SYN3: variants seen among roughly 807,000 people sequenced by gnomAD.
SYN3 encodes the protein synapsin III.
A neutral mutation model predicts 65.8 loss-of-function variants in SYN3; 35 were observed. That is an observed-to-expected ratio of 0.53 (90% CI 0.41 to 0.70). SYN3 has a LOEUF of 0.70. Among genes scored for constraint, SYN3 ranks in the 30% least tolerant of loss-of-function variants. The pLI is 0.00. For missense variants in SYN3, 680 were observed against 749.0 expected (o/e 0.91, Z 1.08); for synonymous variants, 270 against 292.9 (o/e 0.92, Z 0.80).
intron 1 of SYN3, among the ~76,000 whole-genome samples, chr22:33,051,622 C>T (rs1157316728): frequency 3.3e-5 from 5 of 152,158 alleles, no homozygotes; most frequent in Non-Finnish European, 7.3e-5. Context: ...CTCTCCTCAC[C>T]CCTAAGAGCC....
chr22:32,531,180 A>C (rs900969440), intron 10 of SYN3, among the ~76,000 whole-genome samples: 2 of 137,050 alleles, frequency 1.5e-5, no homozygotes, highest in Admixed American at 1.6e-4. Flanking sequence ...AAAAAAAAAG[A>C]ATGTGAGTAC....
At chr22:32,881,843 G>C (rs1247724103) in intron 4 of SYN3, among the ~76,000 whole-genome samples, 1 of 152,132 alleles carries the variant, frequency 6.6e-6, no homozygotes, top group Non-Finnish European at 1.5e-5. Flanking sequence ...ATCACCTGAG[G>C]TCAGGAGTTC....
At chr22:32,961,091 ACT>A (rs1484421480) in intron 3 of SYN3, among the ~76,000 whole-genome samples, 2 of 151,890 alleles carry the variant, frequency 1.3e-5, no homozygotes, top group East Asian at 3.9e-4. Context: ...GAGCTATGTA[ACT>A]CTTTGTTGCG....
intron 6 of SYN3, among the ~76,000 whole-genome samples, chr22:32,755,761 C>T (rs1569198806): frequency 6.6e-6 from 1 of 152,168 alleles, no homozygotes; most frequent in East Asian, 1.9e-4. Context: ...CACCAATGCC[C>T]TTCTATGACA....
At chr22:32,945,627 A>G (rs1310860206) in intron 3 of SYN3, among the ~76,000 whole-genome samples, 3 of 152,200 alleles carry the variant, frequency 2.0e-5, no homozygotes, top group African/African-American at 4.8e-5. Flanking sequence ...GGACATAGGC[A>G]TGGGCAAGGA....
intron 6 of SYN3, among the ~76,000 whole-genome samples, chr22:32,818,752 A>C (rs192178734): frequency 6.6e-6 from 1 of 152,154 alleles, no homozygotes; most frequent in African/African-American, 2.4e-5. Flanking sequence ...GGAAAGTCTC[A>C]GGATAAAACT....
At chr22:32,819,410 G>A (rs532301450) in intron 6 of SYN3, among the ~76,000 whole-genome samples, 1 of 152,362 alleles carries the variant, frequency 6.6e-6, no homozygotes, top group South Asian at 2.1e-4. Flanking sequence ...GTAGAAGGGT[G>A]TATCTCATTT....
chr22:32,686,589 C>CTT (rs2060591791), intron 6 of SYN3, among the ~76,000 whole-genome samples: 1 of 126,934 alleles, frequency 7.9e-6, no homozygotes. Flanking sequence ...GCTGCTCCTC[C>CTT]ATTTTTTTTT....
chr22:32,543,975 T>C (rs2058298936), intron 7 of SYN3, among the ~76,000 whole-genome samples: 1 of 152,174 alleles, frequency 6.6e-6, no homozygotes, highest in South Asian at 2.1e-4. Flanking sequence ...GGTCTCAATA[T>C]GTTACTCAAG....
intron 1 of SYN3, among the ~76,000 whole-genome samples, chr22:33,012,163 A>G (rs1351534348): frequency 1.3e-5 from 2 of 152,058 alleles, no homozygotes; most frequent in Non-Finnish European, 2.9e-5. Flanking sequence ...TTTTTTCCCC[A>G]ATATAAGTAT....
intron 12 of SYN3, among the ~76,000 whole-genome samples, chr22:32,526,061 G>A (rs1351578325): frequency 1.3e-5 from 2 of 152,154 alleles, no homozygotes; most frequent in Admixed American, 1.3e-4. Flanking sequence ...GGGCTCAGAC[G>A]ATTGTTAGTA....
chr22:32,708,079 A>AT (rs2060904057), intron 6 of SYN3, among the ~76,000 whole-genome samples: 1 of 152,228 alleles, frequency 6.6e-6, no homozygotes, highest in African/African-American at 2.4e-5. Flanking sequence ...CAGTTGGATT[A>AT]TTAGTGCATA....
chr22:32,653,265 GAA>G (rs67258911), intron 6 of SYN3, among the ~76,000 whole-genome samples: 36 of 133,774 alleles, frequency 2.7e-4, no homozygotes, highest in East Asian at 6.0e-4. Context: ...TTCCTTAAAA[GAA>G]AAAAAAAAAA....
intron 6 of SYN3, among the ~76,000 whole-genome samples, chr22:32,792,034 C>T (rs2046334401): frequency 6.6e-6 from 1 of 152,116 alleles, no homozygotes; most frequent in Non-Finnish European, 1.5e-5. Context: ...CCTTTATACC[C>T]CTGGGGCCAC....
rs1296578257 is a variant in SYN3, at chr22:32,511,253, G to T, written c.*2439C>A. 6.6e-6 allele frequency among the ~76,000 whole-genome samples: 1 copy of T among 152,114 alleles called. No individual in the cohort carries two copies. The highest frequency in any genetic ancestry group is 1.5e-5 in the Non-Finnish European group (1 of 68,018). Reference sequence around the variant, plus strand: ...AGGAGGATGAAGCAAAGTTCTACCGGATTATAAATGGTCTGATCTATTCCT... The same window carrying T: ...AGGAGGATGAAGCAAAGTTCTACCGTATTATAAATGGTCTGATCTATTCCT... On this transcript the variant is annotated 3_prime_UTR_variant, in exon 14 of 14. Transcript: ENST00000358763.
intron 6 of SYN3, among the ~76,000 whole-genome samples, chr22:32,625,663 T>A (rs2059655877): frequency 6.6e-6 from 1 of 152,224 alleles, no homozygotes. Context: ...GTTGACCACC[T>A]GGCTGTGACT....
chr22:32,985,818 G>A (rs2052509134), intron 2 of SYN3, among the ~76,000 whole-genome samples: 2 of 151,844 alleles, frequency 1.3e-5, no homozygotes, highest in Admixed American at 1.3e-4. Context: ...CTCTGCACAG[G>A]CCTTCACCTC....
intron 6 of SYN3, among the ~76,000 whole-genome samples, chr22:32,661,932 A>C (rs2060222524): frequency 6.6e-6 from 1 of 152,208 alleles, no homozygotes; most frequent in African/African-American, 2.4e-5. Flanking sequence ...AAGTCAGGAA[A>C]TGTAGTTTGA....
intron 4 of SYN3, among the ~76,000 whole-genome samples, chr22:32,916,368 T>G (rs2050185989): frequency 6.6e-6 from 1 of 152,218 alleles, no homozygotes; most frequent in Admixed American, 6.5e-5. Flanking sequence ...AAAAAAACTT[T>G]ATACAAATCT....
Sources: allele counts gnomAD v4.1 joint callset (sites outside exome capture counted in the v4.1 genomes callset), GRCh38; gene constraint gnomAD v4.1.1; transcripts MANE v1.5; gene names NCBI Gene and HGNC (gene_info 2026-07-23, HGNC 2026-07-21).